The following COL25A1 variants were observed in gnomAD, a reference collection of about 807,000 sequenced individuals.
COL25A1 encodes collagen type XXV alpha 1 chain.
COL25A1 carries 103 observed loss-of-function variants against 128.4 expected under a neutral mutation model. The observed-to-expected ratio is 0.80, with a 90% CI of 0.68 to 0.94. The LOEUF is 0.94. Among genes scored for constraint, COL25A1 ranks in the 40% least tolerant of loss-of-function variants. The pLI, the probability that COL25A1 is intolerant of heterozygous loss-of-function variation, is 0.00. For synonymous variants in COL25A1, 279 were observed against 277.2 expected, an observed-to-expected ratio of 1.01 and a Z score of -0.06; for missense variants, 745 against 840.0, an observed-to-expected ratio of 0.89 and a Z score of 1.40.
chr4:108,934,464 C>A (rs1429059189), intron 11 of COL25A1, among the ~76,000 whole-genome samples: 1 of 151,756 alleles, frequency 6.6e-6, no homozygotes, highest in South Asian at 2.1e-4. Context: ...TGCACATGTA[C>A]CCTAGAATTT....
intron 3 of COL25A1, among the ~76,000 whole-genome samples, chr4:109,272,464 G>A (rs1578606166): frequency 6.6e-6 from 1 of 152,126 alleles, no homozygotes; most frequent in Non-Finnish European, 1.5e-5. Context: ...CATGTAATGG[G>A]TATAGAACAG....
chr4:109,183,749 A>G (rs1406873181), intron 3 of COL25A1, among the ~76,000 whole-genome samples: 1 of 152,102 alleles, frequency 6.6e-6, no homozygotes, highest in Admixed American at 6.6e-5. Context: ...GAGAGGCACA[A>G]CACGTATGCC....
At chr4:109,076,103 T>A (rs1189447294) in intron 3 of COL25A1, among the ~76,000 whole-genome samples, 1 of 152,206 alleles carries the variant, frequency 6.6e-6, no homozygotes, top group Non-Finnish European at 1.5e-5. Flanking sequence ...AGGGAGAATA[T>A]GCATAGCTTA....
At chr4:109,086,883 T>A (rs2126002317) in intron 3 of COL25A1, among the ~76,000 whole-genome samples, 1 of 152,258 alleles carries the variant, frequency 6.6e-6, no homozygotes, top group East Asian at 1.9e-4. Flanking sequence ...CACAGCATTA[T>A]CAAAATACCG....
intron 6 of COL25A1, among the ~76,000 whole-genome samples, chr4:108,992,833 GT>G (rs5860957): frequency 0.84 from 126,259 of 150,540 alleles, 53,324 homozygotes; most frequent in East Asian, 1. Flanking sequence ...TGTTTGTTTT[GT>G]TTTTTTTTTG....
intron 3 of COL25A1, among the ~76,000 whole-genome samples, chr4:109,056,869 G>A (rs1761491982): frequency 6.6e-6 from 1 of 152,084 alleles, no homozygotes; most frequent in Non-Finnish European, 1.5e-5. Context: ...CTATGTCACC[G>A]AGGCTGATGA....
intron 3 of COL25A1, among the ~76,000 whole-genome samples, chr4:109,197,505 ATATAATATT>A (rs1236686375): frequency 3.1e-5 from 4 of 131,002 alleles, no homozygotes; most frequent in Admixed American, 2.7e-4. Flanking sequence ...AATATATATT[ATATAATATT>A]TATATATAAT....
At chr4:109,239,369 T>C (rs1779690424) in intron 3 of COL25A1, among the ~76,000 whole-genome samples, 1 of 96,560 alleles carries the variant, frequency 1.0e-5, no homozygotes, top group African/African-American at 5.0e-5. Flanking sequence ...ATTATATATG[T>C]GTGTGTATGT....
chr4:109,161,805 T>C (rs921716580), intron 3 of COL25A1, among the ~76,000 whole-genome samples: 1 of 152,232 alleles, frequency 6.6e-6, no homozygotes, highest in Non-Finnish European at 1.5e-5. Flanking sequence ...TGTAAAACTT[T>C]CTTATAGGTG....
At chr4:108,825,295 G>A (rs1345370208) in intron 33 of COL25A1, 73 bp from the exon 34 acceptor site, 25 of 1,167,998 alleles carry the variant, frequency 2.1e-5, no homozygotes, top group Middle Eastern at 1.9e-4. Flanking sequence ...ATTTAAGGCT[G>A]TCTGAACATG....
intron 3 of COL25A1, among the ~76,000 whole-genome samples, chr4:109,073,741 G>A (rs1036948403): frequency 6.6e-6 from 1 of 152,084 alleles, no homozygotes; most frequent in African/African-American, 2.4e-5. Context: ...TCTACTCATA[G>A]ATCATATCTT....
chr4:108,965,093 A>G (rs567048927), intron 8 of COL25A1, among the ~76,000 whole-genome samples: 2 of 152,350 alleles, frequency 1.3e-5, no homozygotes, highest in East Asian at 3.9e-4. Context: ...AACAAAGGTT[A>G]AGATAATAAA....
At chr4:108,914,779 A>G (rs1014920093) in intron 13 of COL25A1, among the ~76,000 whole-genome samples, 39 of 150,096 alleles carry the variant, frequency 2.6e-4, no homozygotes, top group African/African-American at 9.5e-4. Flanking sequence ...TTGGCCTCCC[A>G]AAGCGTTGGG....
chr4:108,936,763 C>G (rs1466969271), intron 11 of COL25A1, among the ~76,000 whole-genome samples: 1 of 148,236 alleles, frequency 6.7e-6, no homozygotes, highest in Non-Finnish European at 1.5e-5. Flanking sequence ...ATTCCTGACT[C>G]TATGCATTAG....
At chr4:109,119,421 A>G (rs906744010) in intron 3 of COL25A1, among the ~76,000 whole-genome samples, 3 of 152,050 alleles carry the variant, frequency 2.0e-5, no homozygotes, top group African/African-American at 7.2e-5. Flanking sequence ...GTTCTTTGGA[A>G]AAAATCAATA....
At chr4:109,104,957 G>A (rs1238590605) in intron 3 of COL25A1, among the ~76,000 whole-genome samples, 1 of 152,068 alleles carries the variant, frequency 6.6e-6, no homozygotes, top group Non-Finnish European at 1.5e-5. Context: ...TGGTATTGTG[G>A]TTATGGTAAA....
At chr4:108,876,483 T>C (rs1739472128) in intron 19 of COL25A1, among the ~76,000 whole-genome samples, 1 of 152,070 alleles carries the variant, frequency 6.6e-6, no homozygotes, top group Admixed American at 6.5e-5. Flanking sequence ...GTCCTGGAAA[T>C]CTCCAACTAG....
chr4:109,254,104 A>G (rs887323923), intron 3 of COL25A1, among the ~76,000 whole-genome samples: 4 of 151,902 alleles, frequency 2.6e-5, no homozygotes, highest in African/African-American at 9.7e-5. Flanking sequence ...AAAAAAAAAA[A>G]AGAATTGTTT....
intron 6 of COL25A1, among the ~76,000 whole-genome samples, chr4:108,990,272 A>ATCTC (rs1553992951): frequency 1.6e-5 from 2 of 123,640 alleles, no homozygotes; most frequent in African/African-American, 6.1e-5. Flanking sequence ...ATATATATAT[A>ATCTC]TCTCAAAAGA....
Sources: allele counts gnomAD v4.1 joint callset (sites outside exome capture counted in the v4.1 genomes callset), GRCh38; gene constraint gnomAD v4.1.1; transcripts MANE v1.5; gene names NCBI Gene and HGNC (gene_info 2026-07-23, HGNC 2026-07-21).